Variants in STK11IP observed in about 807,000 individuals in gnomAD.
STK11IP encodes serine/threonine-protein kinase 11-interacting protein.
Under a neutral mutation model 131.7 loss-of-function variants are expected in STK11IP, and 103 were observed. The observed-to-expected ratio is 0.78, with a 90% CI of 0.67 to 0.92. The LOEUF is 0.92. STK11IP is among the 40% of genes least tolerant of loss of function. The probability of loss-of-function intolerance (pLI) is 0.00; values close to 1 mark genes in which losing one functional copy is unlikely to be tolerated. For missense variants in STK11IP, 1,315 were observed against 1,385.7 expected (o/e 0.95, Z 0.81); for synonymous variants, 557 against 575.6 (o/e 0.97, Z 0.46).
intron 5 of STK11IP, 145 bp from the exon 6 acceptor site, chr2:219,602,322 TG>T: frequency 1.5e-6 from 1 of 676,492 alleles, no homozygotes; most frequent in Admixed American, 2.8e-5. Flanking sequence ...AGTGAGTTCT[TG>T]GGTCAGGGAC....
rs1189183373 is a variant in STK11IP at position 219,613,912 on chromosome 2, T to A, written c.2698T>A (p.Phe900Ile). The change falls in exon 21 of 25, where the codon TTC (phenylalanine) becomes ATC (isoleucine). Residue 900 changes from phenylalanine to isoleucine, a missense_variant. By Grantham distance (21) the Phe-to-Ile change is conservative. Transcript: ENST00000456909. The part of the protein sequence containing the change: ...LPRDARHCRA[F>I]LEELLDVLQS... ...CCGAGATGCCAGGCATTGCCGGGCC[T>A]TCCTAGAGGAGCTCCTTGGTGAGAG... is the stretch of plus-strand genomic sequence containing the variant. 1 of 1,603,320 alleles carries A rather than the reference T, an allele frequency of 6.2e-7. No homozygotes were observed. The highest frequency in any genetic ancestry group is 8.5e-7 in the Non-Finnish European group (1 of 1,174,218).
rs192797762 is a variant in STK11IP at position 219,603,699 on chromosome 2, T to G, written c.618+923T>G. Among the ~76,000 whole-genome samples, 1,191 of 152,038 alleles carry G rather than the reference T, an allele frequency of 7.8e-3. 16 individuals are homozygous for G. Among genetic ancestry groups the G allele is most frequent in the African/African-American group, 0.025 (1,031 of 41,444 alleles). The stretch of plus-strand genomic sequence containing the variant: ...CCATGCCCAGCTAATTTTTGTATTT[T>G]TTAGTAGAGATGGGGTTTCACCATC... On this transcript the variant is annotated intron_variant, in intron 7 of 24. Transcript: ENST00000456909.
intron 13 of STK11IP, 113 bp from the exon 14 acceptor site, chr2:219,607,934 C>T (rs1297124319): frequency 1.8e-5 from 25 of 1,412,900 alleles, no homozygotes; most frequent in East Asian, 1.7e-4. Flanking sequence ...CTCCCTTGCC[C>T]GTGTCCCCAT....
chr2:219,598,172 G>C lies in STK11IP; in HGVS notation c.53G>C (p.Arg18Pro), dbSNP rs778592313. ...TTGTGGAAGCTCGCGGGGTTGCTGCGGGAGTCCGGTGAGTGGACTTCCGGT... is the reference window on the plus strand; with the variant it reads ...TTGTGGAAGCTCGCGGGGTTGCTGCCGGAGTCCGGTGAGTGGACTTCCGGT... ...SLLWKLAGLL[R>P]ESGDVVLSGC... The change falls in exon 2 of 25, where the codon CGG becomes CCG. Residue 18 changes from arginine to proline, a missense_variant. By Grantham distance (103) the Arg-to-Pro change is moderately radical. Coordinates refer to ENST00000456909, the MANE Select transcript of STK11IP (RefSeq NM_052902.4). The C allele has an allele frequency of 5.8e-6, 9 of 1,561,298 alleles. No homozygotes were observed. Among genetic ancestry groups the C allele is most frequent in the Non-Finnish European group, 7.8e-6 (9 of 1,152,568 alleles).
chr2:219,597,875 A>C lies in STK11IP; in HGVS notation c.-75A>C, dbSNP rs1417675998. 6.2e-7 allele frequency: 1 copy of C among 1,604,344 alleles called. No homozygotes were observed. The highest frequency in any genetic ancestry group is 1.7e-5 in the Admixed American group (1 of 58,386). ...GGGCGGGACTTCCTTTCCATCATTG[A>C]TAGGCGCCGGGCAGCTGAGCTGGTA... On this transcript the variant is annotated 5_prime_UTR_variant, in exon 1 of 25. Transcript: ENST00000456909.
Position 219,611,739 on chromosome 2 carries a change from A to C in STK11IP, c.2240A>C (p.His747Pro), listed in dbSNP as rs1192509357. The C allele has an allele frequency of 6.2e-7, 1 of 1,612,854 alleles. No homozygotes were observed. The highest frequency in any genetic ancestry group is 1.1e-5 in the South Asian group (1 of 91,076). The change falls in exon 18 of 25, where the codon CAC becomes CCC. Residue 747 changes from histidine (H) to proline (P), a missense_variant. Transcript: ENST00000456909. ...APSPSASPVC[H>P]PPGHGDHLDR... ...TCTCCGTCTGCCAGCCCTGTCTGCC[A>C]CCCTCCTGGCCATGGTGACCACCTT...
chr2:219,611,059 G>A (rs770963095), intron 17 of STK11IP, among the ~76,000 whole-genome samples: 12 of 152,164 alleles, frequency 7.9e-5, no homozygotes, highest in Admixed American at 3.3e-4. Flanking sequence ...TTCCTTCCCA[G>A]CTTCCTGACA....
chr2:219,607,127 C>A lies in STK11IP; in HGVS notation c.1209C>A (p.Pro403=). 6.2e-7 allele frequency: 1 copy of A among 1,613,930 alleles called. No individual in the cohort carries two copies. Among genetic ancestry groups the A allele is most frequent in the Non-Finnish European group, 8.5e-7 (1 of 1,179,890 alleles). ...ACCCGGAGCCCCGAACTCTGAACCC[C>A]TCTCCGGCTGGTAAGTCAGCTTCAT... ...DTDPEPRTLN[P]SPAGWFVQQH... The change falls in exon 13 of 25, where the codon CCC becomes CCA. Residue 403 remains proline (P), a synonymous_variant. Transcript: ENST00000456909.
rs1195005772 is a variant in STK11IP at position 219,606,773 on chromosome 2, C to A, written c.1049C>A (p.Thr350Asn). ...CCTTTGCCCTGGCCAGTGGGGAGTA[C>A]TCCTGAAACCTCAGGTGGCCCTGAC... The part of the protein sequence containing the change: ...GPPLPWPVGS[T>N]PETSGGPDLS... The change falls in exon 12 of 25, where the codon ACT becomes AAT. Residue 350 changes from threonine to asparagine, a missense_variant. Physicochemically the swap from Thr to Asn is moderately conservative, Grantham distance 65. Transcript: ENST00000456909. The A allele has an allele frequency of 6.2e-7, 1 of 1,613,736 alleles. No homozygotes were observed. The highest frequency in any genetic ancestry group is 8.5e-7 in the Non-Finnish European group (1 of 1,179,872).
At chr2:219,614,937 T>G in intron 23 of STK11IP, 157 bp from the exon 24 acceptor site, 1 of 854,204 alleles carries the variant, frequency 1.2e-6, no homozygotes, top group Non-Finnish European at 1.8e-6. Context: ...TCATGGAGCT[T>G]GGGAAAGGGA....
At chr2:219,606,454 C>G (rs1164207387) in intron 10 of STK11IP, 22 bp from the exon 11 acceptor site, 1 of 1,608,458 alleles carries the variant, frequency 6.2e-7, no homozygotes, top group South Asian at 1.1e-5. Context: ...CATACTCCCT[C>G]CCCCTTTTTG....
In STK11IP at chr2:219,616,057, A is replaced by G. The variant is rs1559190240; in HGVS notation, c.3131A>G (p.Glu1044Gly). 1 of 1,613,508 alleles carries G rather than the reference A, an allele frequency of 6.2e-7. No homozygotes were observed. Among genetic ancestry groups the G allele is most frequent in the African/African-American group, 1.3e-5 (1 of 74,890 alleles). The change falls in exon 25 of 25, where the codon GAG (glutamate) becomes GGG (glycine). Residue 1044 changes from glutamate to glycine, a missense_variant. Transcript: ENST00000456909. ...TCGGTCTGCCAGGTGTCCCGGCTGGAGAGCTTTTGGGCACTCCGTGTGGTG... is the reference window on the plus strand; with the variant it reads ...TCGGTCTGCCAGGTGTCCCGGCTGGGGAGCTTTTGGGCACTCCGTGTGGTG... ...LLFYDEVSRL[E>G]SFWALRVVCQ... is the part of the protein sequence containing the mutation.
Position 219,606,490 on chromosome 2 carries a change from C to G in STK11IP, c.960C>G (p.Gly320=). The change falls in exon 11 of 25, where the codon GGC becomes GGG. Residue 320 remains glycine, a synonymous_variant. Coordinates refer to ENST00000456909, the MANE Select transcript of STK11IP (RefSeq NM_052902.4). ...TCTTTGCTCAGTTCCTTCTCGATGG[C>G]AAGGTCTTGTCACTGACAGATTTTC... The part of the protein sequence containing the change: ...RDAATGFLLD[G]KVLSLTDFQT... The G allele has an allele frequency of 6.2e-7, 1 of 1,612,490 alleles. No homozygotes were observed. The highest frequency in any genetic ancestry group is 8.5e-7 in the Non-Finnish European group (1 of 1,179,216).
At chr2:219,603,025 A>C (rs1007485893) in intron 7 of STK11IP, among the ~76,000 whole-genome samples, 4 of 151,118 alleles carry the variant, frequency 2.6e-5, no homozygotes, top group Non-Finnish European at 5.9e-5. Flanking sequence ...TAGAAATCAC[A>C]AGAGTACCTG....
At position 219,598,150 on chromosome 2, in the gene STK11IP, T is replaced by C. The variant is rs1476806135; in HGVS notation, c.31T>C (p.Trp11Arg). The C allele has an allele frequency of 1.3e-6, 2 of 1,581,780 alleles. No individual in the cohort carries two copies. The highest frequency in any genetic ancestry group is 1.2e-5 in the South Asian group (1 of 86,658). The change falls in exon 2 of 25, where the codon TGG (tryptophan) becomes CGG (arginine). Residue 11 changes from tryptophan (W) to arginine (R), a missense_variant. Transcript: ENST00000456909. ...GACCGCTCAGAGGGACTCCCTGTTG[T>C]GGAAGCTCGCGGGGTTGCTGCGGGA... MTTAQRDSLL[W>R]KLAGLLRESG...
chr2:219,605,936 C>G lies in STK11IP; in HGVS notation c.746-20C>G, dbSNP rs781692197. 6.3e-7 allele frequency: 1 copy of G among 1,579,382 alleles called. No individual in the cohort carries two copies. ...TGTACTCATCCACATGCTCTTCCTT[C>G]CTTCTTGCGTCCACCCCAGGCCTAG... On this transcript the variant is annotated intron_variant, in intron 8 of 24. Coordinates refer to ENST00000456909, the MANE Select transcript of STK11IP (RefSeq NM_052902.4).
chr2:219,609,336 A>G (rs1292699433), intron 16 of STK11IP, 27 bp from the exon 17 acceptor site: 10 of 1,611,264 alleles, frequency 6.2e-6, no homozygotes, highest in African/African-American at 2.7e-5. Context: ...GCCTGCTCAC[A>G]GCTGCCTCTG....
chr2:219,612,695 G>A (rs1005445243), intron 19 of STK11IP, among the ~76,000 whole-genome samples: 19 of 152,216 alleles, frequency 1.2e-4, no homozygotes, highest in African/African-American at 4.3e-4. Flanking sequence ...GAGGGCACCT[G>A]GACATGCAGG....
At chr2:219,598,573 A>G (rs918620222) in intron 2 of STK11IP, 7 of 172,604 alleles carry the variant, frequency 4.1e-5, no homozygotes, top group African/African-American at 7.1e-5. Context: ...TGGAATATCA[A>G]CCCTCTTTCA....
Sources: gnomAD v4.1 joint callset for allele counts (sites outside exome capture counted in the v4.1 genomes callset) on GRCh38, gnomAD v4.1.1 for gene constraint, MANE v1.5 for transcripts, NCBI Gene and HGNC (gene_info 2026-07-23, HGNC 2026-07-21) for gene names.